SLC30A8: variants seen among roughly 807,000 people sequenced by gnomAD.
SLC30A8 encodes the protein proton-coupled zinc antiporter SLC30A8.
Under a neutral mutation model 36.9 loss-of-function variants are expected in SLC30A8, and 27 were observed. That is an observed-to-expected ratio of 0.73 (90% CI 0.54 to 1.01). The LOEUF is 1.01. Among genes scored for constraint, SLC30A8 ranks in the 50% least tolerant of loss-of-function variants. The pLI, the probability that SLC30A8 is intolerant of heterozygous loss-of-function variation, is 0.00. For synonymous variants in SLC30A8, 164 were observed against 172.4 expected (o/e 0.95, Z 0.38); for missense variants, 439 against 452.0 (o/e 0.97, Z 0.26).
chr8:116,977,286 C>T (rs1444103908), intron 1 of SLC30A8, among the ~76,000 whole-genome samples: 2 of 148,658 alleles, frequency 1.3e-5, no homozygotes, highest in Non-Finnish European at 3.0e-5. Flanking sequence ...GTAGCTGGGA[C>T]TACAGGCGCC....
chr8:117,034,730 C>T (rs1817158996), intron 1 of SLC30A8, among the ~76,000 whole-genome samples: 1 of 152,166 alleles, frequency 6.6e-6, no homozygotes, highest in Non-Finnish European at 1.5e-5. Context: ...TAAAGAACTG[C>T]TTGAGACTGG....
At chr8:117,113,036 G>T (rs1174713161) in intron 2 of SLC30A8, among the ~76,000 whole-genome samples, 1 of 152,118 alleles carries the variant, frequency 6.6e-6, no homozygotes, top group Non-Finnish European at 1.5e-5. Flanking sequence ...AAGCAGTGAG[G>T]ATATAAAGAT....
At position 117,078,490 on chromosome 8, in the gene SLC30A8, C is replaced by T. The variant is rs555259768; in HGVS notation, c.-226+39232C>T. Among the ~76,000 whole-genome samples the T allele has an allele frequency of 3.9e-5, 6 of 151,904 alleles. No individual in the cohort carries two copies. In the South Asian group the frequency reaches 1.2e-3, roughly 32 times the overall value. On this transcript the variant is annotated intron_variant, in intron 2 of 10. Transcript: ENST00000427715. ...AGATTTTTTTTTTCTTTTTTTCCCC[C>T]ATGTTGCTGAGTCCATGCATGTAGC...
At chr8:117,158,991 TATAAG>T (rs1382269606) in intron 4 of SLC30A8, among the ~76,000 whole-genome samples, 1 of 152,212 alleles carries the variant, frequency 6.6e-6, no homozygotes, top group African/African-American at 2.4e-5. Flanking sequence ...CAAGCGTCCT[TATAAG>T]AGGGAGACAG....
chr8:117,161,748 G>A lies in SLC30A8; in HGVS notation c.583G>A (p.Val195Ile). The change falls in exon 5 of 8, where the codon GTT (valine) becomes ATT (isoleucine). Residue 195 changes from valine (V) to isoleucine (I), a missense_variant. Val to Ile is a conservative substitution (Grantham distance 29). Coordinates refer to ENST00000456015, the MANE Select transcript of SLC30A8 (RefSeq NM_173851.3). Reference protein sequence around the residue: ...AVAANIVLTVVLHQRCLGHNH... With the variant: ...AVAANIVLTVILHQRCLGHNH... The stretch of plus-strand genomic sequence containing the variant: ...TGTTCTCTCTTTCAGACTAACTGTG[G>A]TTTTGCACCAGAGATGCCTTGGCCA... 1 of 1,613,336 alleles carries A rather than the reference G, an allele frequency of 6.2e-7. No homozygotes were observed. The highest frequency in any genetic ancestry group is 8.5e-7 in the Non-Finnish European group (1 of 1,179,514).
Position 117,006,359 on chromosome 8 carries a change from C to T in SLC30A8, c.-265-32860C>T, listed in dbSNP as rs1371622586. Reference sequence around the variant, plus strand: ...CCTATTGGGTTTTTGTTCACAGTTGCAAGATGGAGTGTAAGCATTATGCCC... The same window carrying T: ...CCTATTGGGTTTTTGTTCACAGTTGTAAGATGGAGTGTAAGCATTATGCCC... On this transcript the variant is annotated intron_variant, in intron 1 of 10. Coordinates refer to the SLC30A8 transcript ENST00000427715. Among the ~76,000 whole-genome samples the T allele has an allele frequency of 2.6e-5, 4 of 152,128 alleles. No individual in the cohort carries two copies. The East Asian group carries it at 7.7e-4, about 29-fold the overall frequency.
chr8:117,152,803 G>A, intron 2 of SLC30A8, 141 bp from the exon 3 acceptor site: 1 of 614,868 alleles, frequency 1.6e-6, no homozygotes, highest in South Asian at 3.9e-5. Flanking sequence ...CGCAGAAGGG[G>A]TGAATTAAAT....
At chr8:117,144,243 T>C (rs942826532) in intron 1 of SLC30A8, among the ~76,000 whole-genome samples, 1 of 152,180 alleles carries the variant, frequency 6.6e-6, no homozygotes, top group Non-Finnish European at 1.5e-5. Flanking sequence ...AAAAGTCTAC[T>C]CATTTAAGAT....
At chr8:117,103,120 G>A (rs1336724842) in intron 2 of SLC30A8, among the ~76,000 whole-genome samples, 1 of 151,956 alleles carries the variant, frequency 6.6e-6, no homozygotes, top group East Asian at 1.9e-4. Context: ...TGAGAATCTG[G>A]GTAGGGTCCA....
At chr8:117,052,900 C>CT (rs1186891735) in intron 2 of SLC30A8, among the ~76,000 whole-genome samples, 4 of 137,630 alleles carry the variant, frequency 2.9e-5, no homozygotes, top group Admixed American at 1.4e-4. Context: ...GTGAAGTCTC[C>CT]TTTTTTTTCT....
chr8:117,106,343 A>G (rs1819993655), intron 2 of SLC30A8, among the ~76,000 whole-genome samples: 1 of 152,186 alleles, frequency 6.6e-6, no homozygotes, highest in South Asian at 2.1e-4. Context: ...AATTTCCCTT[A>G]TGCAATTGTG....
intron 2 of SLC30A8, among the ~76,000 whole-genome samples, chr8:117,122,393 C>T (rs897271147): frequency 1.4e-4 from 21 of 151,892 alleles, no homozygotes; most frequent in African/African-American, 5.1e-4. Flanking sequence ...TATAATTGTC[C>T]ACCTTTTACA....
At chr8:117,049,513 G>A (rs1013674173) in intron 2 of SLC30A8, among the ~76,000 whole-genome samples, 1 of 152,160 alleles carries the variant, frequency 6.6e-6, no homozygotes, top group Non-Finnish European at 1.5e-5. Context: ...TGCAATCATT[G>A]CAATTTAGAG....
At chr8:116,978,954 A>C (rs764816062) in intron 1 of SLC30A8, among the ~76,000 whole-genome samples, 6 of 148,870 alleles carry the variant, frequency 4.0e-5, no homozygotes, top group Non-Finnish European at 7.4e-5. Context: ...AATCATAAGG[A>C]GGCCGGGCAC....
intron 1 of SLC30A8, among the ~76,000 whole-genome samples, chr8:116,991,382 T>C (rs1815636331): frequency 1.3e-5 from 2 of 152,122 alleles, no homozygotes; most frequent in Non-Finnish European, 2.9e-5. Flanking sequence ...CTTGGTTCAC[T>C]GCAACCTATG....
chr8:117,170,146 A>G (rs1050970486), intron 6 of SLC30A8, among the ~76,000 whole-genome samples: 1 of 152,042 alleles, frequency 6.6e-6, no homozygotes, highest in African/African-American at 2.4e-5. Context: ...TTCTGATTTA[A>G]TTGGTCTTGG....
intron 3 of SLC30A8, among the ~76,000 whole-genome samples, chr8:117,154,467 C>T (rs1351554417): frequency 6.6e-6 from 1 of 152,206 alleles, no homozygotes; most frequent in African/African-American, 2.4e-5. Context: ...AGACACATAT[C>T]ACAGCTTATA....
chr8:116,956,864 G>A (rs1283482146), intron 1 of SLC30A8, among the ~76,000 whole-genome samples: 1 of 152,066 alleles, frequency 6.6e-6, no homozygotes, highest in Non-Finnish European at 1.5e-5. Flanking sequence ...CAAATGACTG[G>A]TACCAATTAC....
chr8:116,973,302 C>T (rs76277237), intron 1 of SLC30A8, among the ~76,000 whole-genome samples: 2,223 of 152,272 alleles, frequency 0.015, 63 homozygotes, highest in African/African-American at 0.051. Flanking sequence ...ATTGTGGCCA[C>T]ATGACTAGAT....
Sources: allele counts gnomAD v4.1 joint callset (sites outside exome capture counted in the v4.1 genomes callset), GRCh38; gene constraint gnomAD v4.1.1; transcripts MANE v1.5; gene names NCBI Gene and HGNC (gene_info 2026-07-23, HGNC 2026-07-21).